CELF2: variants seen among roughly 807,000 people sequenced by gnomAD.
The protein encoded by CELF2 is CUG triplet repeat RNA-binding protein 2.
CELF2 carries 8 observed loss-of-function variants against 62.6 expected under a neutral mutation model. The ratio of observed to expected loss-of-function variants is 0.13; its 90% CI spans 0.07 to 0.23. CELF2 has a LOEUF of 0.23. Among genes scored for constraint, CELF2 ranks in the 10% least tolerant of loss-of-function variants. The pLI is 1.00. For synonymous variants in CELF2, 258 were observed against 250.0 expected, an observed-to-expected ratio of 1.03 and a Z score of -0.30; for missense variants, 333 against 671.0, an observed-to-expected ratio of 0.50 and a Z score of 5.56.
chr10:11,225,466 A>C (rs1045672620), intron 3 of CELF2, among the ~76,000 whole-genome samples: 1 of 152,078 alleles, frequency 6.6e-6, no homozygotes, highest in African/African-American at 2.4e-5. Context: ...ATTTAACGAA[A>C]ATCTCTACAC....
intron 1 of CELF2, among the ~76,000 whole-genome samples, chr10:11,057,531 G>A (rs1292673174): frequency 1.3e-5 from 2 of 152,194 alleles, no homozygotes; most frequent in African/African-American, 4.8e-5. Context: ...CCTCAGCCAC[G>A]GCCTTGTGGG....
the CELF2 span, among the ~76,000 whole-genome samples, chr10:10,609,759 G>T: frequency 6.6e-6 from 1 of 152,188 alleles, no homozygotes; most frequent in Non-Finnish European, 1.5e-5. Context: ...TAGATGCTAT[G>T]GTTTTAGCCA....
At chr10:10,477,895 A>G in the CELF2 span, among the ~76,000 whole-genome samples, 1 of 152,120 alleles carries the variant, frequency 6.6e-6, no homozygotes, top group Non-Finnish European at 1.5e-5. Flanking sequence ...ATGTTCCCCA[A>G]GGAAAATGGA....
chr10:10,816,291 A>T (rs1455890022), intron 1 of CELF2, among the ~76,000 whole-genome samples: 3 of 152,186 alleles, frequency 2.0e-5, no homozygotes, highest in South Asian at 2.1e-4. Context: ...TCTGATTTTT[A>T]AAAAAATAAT....
chr10:11,288,560 TG>T lies in CELF2; in HGVS notation c.976+14del, dbSNP rs1423473887. The T allele has an allele frequency of 2.5e-6, 4 of 1,612,932 alleles. No individual in the cohort carries two copies. Among genetic ancestry groups the T allele is most frequent in the African/African-American group, 1.3e-5 (1 of 74,838 alleles). ...GAGCCCTCACGAGTCCCGGTGAGTG[TG>T]GGGGGTGCTCTTCCCTTGCAGGTGA... On this transcript the variant is annotated intron_variant, in intron 9 of 12. Coordinates refer to ENST00000633077, the MANE Select transcript of CELF2 (RefSeq NM_001326342.2).
At chr10:10,825,123 C>T (rs1450202716) in intron 1 of CELF2, among the ~76,000 whole-genome samples, 2 of 152,170 alleles carry the variant, frequency 1.3e-5, no homozygotes, top group Non-Finnish European at 2.9e-5. Context: ...TGGTAGGATC[C>T]TGAGCTCCAG....
At chr10:11,069,867 A>T (rs2069293787) in intron 1 of CELF2, among the ~76,000 whole-genome samples, 2 of 152,254 alleles carry the variant, frequency 1.3e-5, no homozygotes, top group Non-Finnish European at 2.9e-5. Flanking sequence ...AGAAGTAATG[A>T]TGAGCTAGAA....
chr10:11,306,095 T>C lies in CELF2; in HGVS notation c.977-8044T>C, dbSNP rs552587897. 2.0e-5 allele frequency among the ~76,000 whole-genome samples: 3 copies of C among 152,350 alleles called. No individual in the cohort carries two copies. The highest frequency in any genetic ancestry group is 7.2e-5 in the African/African-American group (3 of 41,594). ...CCAGTGGTACAACAGGCTTAAAATG[T>C]GACGTATCCAAGTTATTGCAGCCAC... On this transcript the variant is annotated intron_variant, in intron 9 of 12. Transcript: ENST00000633077. The surrounding 1 kb of genome is among the most constrained non-coding windows in gnomAD (Gnocchi z 4.4).
chr10:10,827,236 A>C (rs1223549916), intron 1 of CELF2, among the ~76,000 whole-genome samples: 3 of 152,118 alleles, frequency 2.0e-5, no homozygotes, highest in South Asian at 2.1e-4. Context: ...TGAGCACATG[A>C]TAGCCTCCAC....
chr10:10,841,628 A>T (rs1405508958), intron 1 of CELF2, among the ~76,000 whole-genome samples: 1 of 150,510 alleles, frequency 6.6e-6, no homozygotes, highest in Non-Finnish European at 1.5e-5. Context: ...CTTTATGTCT[A>T]TTCTTTTACT....
chr10:10,504,715 C>G, the CELF2 span, among the ~76,000 whole-genome samples: 2 of 151,968 alleles, frequency 1.3e-5, no homozygotes, highest in African/African-American at 2.4e-5. Flanking sequence ...ATTTCTGAGT[C>G]CATGTTTTTT....
At chr10:10,778,037 T>A in the CELF2 span, among the ~76,000 whole-genome samples, 55 of 152,202 alleles carry the variant, frequency 3.6e-4, no homozygotes, top group Non-Finnish European at 6.3e-4. Flanking sequence ...CTGTTAAGTA[T>A]AGACACTGGT....
At chr10:11,033,824 TAGTTA>T (rs925334408) in intron 1 of CELF2, among the ~76,000 whole-genome samples, 4 of 152,202 alleles carry the variant, frequency 2.6e-5, no homozygotes, top group African/African-American at 9.6e-5. Flanking sequence ...GCAGATCGAA[TAGTTA>T]AGTTGGACAA....
At chr10:10,578,579 G>A in the CELF2 span, among the ~76,000 whole-genome samples, 1 of 152,014 alleles carries the variant, frequency 6.6e-6, no homozygotes, top group African/African-American at 2.4e-5. Flanking sequence ...TATATCAGAG[G>A]AATAATCTAA....
chr10:11,164,948 C>A, intron 1 of CELF2: 1 of 498,570 alleles, frequency 2.0e-6, no homozygotes, highest in Non-Finnish European at 2.6e-6. Context: ...CATTAGTCAT[C>A]TGACGGACTG....
chr10:11,095,177 A>G (rs1254670686), intron 1 of CELF2, among the ~76,000 whole-genome samples: 1 of 152,158 alleles, frequency 6.6e-6, no homozygotes, highest in East Asian at 1.9e-4. Context: ...GGGGTTTACA[A>G]AGCGAAGTTT....
the CELF2 span, among the ~76,000 whole-genome samples, chr10:10,768,662 C>T: frequency 6.6e-6 from 1 of 151,388 alleles, no homozygotes; most frequent in Non-Finnish European, 1.5e-5. Context: ...CAACTTCTGC[C>T]TGCTGGGTTC....
At chr10:11,182,806 C>G (rs536024255) in intron 2 of CELF2, among the ~76,000 whole-genome samples, 1 of 152,164 alleles carries the variant, frequency 6.6e-6, no homozygotes, top group Non-Finnish European at 1.5e-5. Context: ...TCTTGTCGCC[C>G]AATCTCAGAA....
rs2067008974 is a variant in CELF2 at position 11,227,433 on chromosome 10, C to G, written c.354+9926C>G. ...GAGACAGCGCTGCTGCTCTCCGCAT[C>G]ACAGCAAAGTCAAGGCAAAGGAGGA... On this transcript the variant is annotated intron_variant, in intron 3 of 12. Transcript: ENST00000633077. This position sits in a 1 kb window ranked among gnomAD's most constrained non-coding sequence, Gnocchi z 4.8. 6.6e-6 allele frequency among the ~76,000 whole-genome samples: 1 copy of G among 152,202 alleles called. No homozygotes were observed. Among genetic ancestry groups the G allele is most frequent in the Non-Finnish European group, 1.5e-5 (1 of 68,042 alleles).
Sources: allele counts gnomAD v4.1 joint callset (sites outside exome capture counted in the v4.1 genomes callset), GRCh38; gene constraint gnomAD v4.1.1; non-coding constraint Gnocchi (gnomAD v3.1); transcripts MANE v1.5; gene names NCBI Gene and HGNC (gene_info 2026-07-23, HGNC 2026-07-21).